The following DPP6 variants were observed in gnomAD, a reference collection of about 807,000 sequenced individuals.
DPP6 encodes dipeptidyl peptidase like 6, also known as A-type potassium channel modulatory protein DPP6.
DPP6 carries 69 observed loss-of-function variants against 122.6 expected under a neutral mutation model. The ratio of observed to expected loss-of-function variants is 0.56; its 90% confidence interval spans 0.46 to 0.69. The LOEUF (loss-of-function observed/expected upper bound fraction) is 0.69. Ranked by LOEUF, DPP6 falls within the 30% of genes least tolerant of loss-of-function variation. The pLI, the probability that DPP6 is intolerant of heterozygous loss-of-function variation, is 0.00. For synonymous variants in DPP6, 418 were observed against 433.1 expected (o/e 0.97, Z 0.43); for missense variants, 928 against 1,116.9 (o/e 0.83, Z 2.41).
chr7:154,358,958 G>A (rs1226643441), intron 1 of DPP6, among the ~76,000 whole-genome samples: 3 of 152,092 alleles, frequency 2.0e-5, no homozygotes, highest in African/African-American at 7.2e-5. Context: ...CACCTGCCTC[G>A]GCCTCCCAAA....
chr7:153,840,832 C>T, the DPP6 span, among the ~76,000 whole-genome samples: 1 of 152,160 alleles, frequency 6.6e-6, no homozygotes, highest in Non-Finnish European at 1.5e-5. Context: ...TTGCCTCTAG[C>T]AATAATAGAC....
Position 154,876,059 on chromosome 7 carries a change from G to T in DPP6, c.2037G>T (p.Arg679=). 6.2e-7 allele frequency: 1 copy of T among 1,608,306 alleles called. No homozygotes were observed. Among genetic ancestry groups the T allele is most frequent in the African/African-American group, 1.3e-5 (1 of 75,000 alleles). The part of the protein sequence containing the change: ...GTKLLHEVRR[R]LGLLEEKDQM... ...AGCTCCTGCACGAAGTGAGGCGGCG[G>T]CTGGGCTTGCTGGAGGAGAAGGACC... is the stretch of plus-strand genomic sequence containing the variant. Residue 679 remains arginine, a synonymous_variant, in exon 20 of 26, where the codon CGG becomes CGT. Coordinates refer to ENST00000377770, the MANE Select transcript of DPP6 (RefSeq NM_130797.4).
At chr7:154,855,991 G>C (rs968172677) in intron 17 of DPP6, among the ~76,000 whole-genome samples, 11 of 152,134 alleles carry the variant, frequency 7.2e-5, no homozygotes, top group Non-Finnish European at 1.3e-4. Flanking sequence ...CAGCCTCCCG[G>C]GTTAGCTGTT....
chr7:154,172,762 G>C (rs1797602724), intron 1 of DPP6, among the ~76,000 whole-genome samples: 1 of 151,832 alleles, frequency 6.6e-6, no homozygotes, highest in Non-Finnish European at 1.5e-5. Flanking sequence ...CATACGCTTG[G>C]CTAAATTTTG....
chr7:154,088,749 C>G (rs1804609134), intron 1 of DPP6, among the ~76,000 whole-genome samples: 2 of 151,880 alleles, frequency 1.3e-5, no homozygotes, highest in African/African-American at 4.8e-5. Context: ...GTGCTCAGTT[C>G]TAGGAGACAC....
Position 154,213,992 on chromosome 7 carries a change from G to A in DPP6, c.243+160929G>A, listed in dbSNP as rs148154353. Among the ~76,000 whole-genome samples, 1,303 of 152,286 alleles carry A rather than the reference G, an allele frequency of 8.6e-3. 16 individuals carry two copies. The highest frequency in any genetic ancestry group is 0.029 in the African/African-American group (1,225 of 41,562). ...GGGAAGATGGTCTTTGAGAGTTATC[G>A]ACTTCCTCCTTTTCCAGCAACGACA... On this transcript the variant is annotated intron_variant, in intron 1 of 25. Transcript: ENST00000377770.
At chr7:154,816,895 A>C (rs1229181078) in intron 16 of DPP6, among the ~76,000 whole-genome samples, 1 of 152,192 alleles carries the variant, frequency 6.6e-6, no homozygotes, top group Admixed American at 6.5e-5. Context: ...CAGGCATGGC[A>C]ATGAGTACCT....
At chr7:154,020,669 C>T (rs1480990960) in intron 1 of DPP6, among the ~76,000 whole-genome samples, 1 of 152,210 alleles carries the variant, frequency 6.6e-6, no homozygotes, top group African/African-American at 2.4e-5. Context: ...TAAATAGCCT[C>T]TGACCTCAGT....
intron 5 of DPP6, among the ~76,000 whole-genome samples, chr7:154,635,308 C>A (rs535485697): frequency 4.5e-4 from 68 of 151,950 alleles, no homozygotes; most frequent in African/African-American, 1.6e-3. Flanking sequence ...ACCACTGTCA[C>A]CATCTCTGGG....
At chr7:154,041,692 T>C (rs1420046768) in intron 1 of DPP6, among the ~76,000 whole-genome samples, 1 of 152,128 alleles carries the variant, frequency 6.6e-6, no homozygotes, top group Non-Finnish European at 1.5e-5. Context: ...AGTACCTGCA[T>C]GCTATCAGGG....
At chr7:153,969,619 G>A (rs1795931066) in intron 1 of DPP6, among the ~76,000 whole-genome samples, 1 of 148,380 alleles carries the variant, frequency 6.7e-6, no homozygotes, top group Admixed American at 6.6e-5. Context: ...TCATTGCACA[G>A]TAAGTTCATA....
the DPP6 span, among the ~76,000 whole-genome samples, chr7:153,773,553 C>G: frequency 6.6e-6 from 1 of 150,756 alleles, no homozygotes; most frequent in Non-Finnish European, 1.5e-5. Context: ...AAATTAATAT[C>G]CAATAGGTAT....
At chr7:153,758,490 A>G in the DPP6 span, among the ~76,000 whole-genome samples, 1 of 152,024 alleles carries the variant, frequency 6.6e-6, no homozygotes, top group Admixed American at 6.6e-5. Context: ...AAGGTGCCTC[A>G]TGCTCCCTTG....
intron 1 of DPP6, among the ~76,000 whole-genome samples, chr7:154,111,069 G>A (rs1439148722): frequency 6.6e-6 from 1 of 152,222 alleles, no homozygotes; most frequent in African/African-American, 2.4e-5. Context: ...TCGAGCTCAA[G>A]CCTAAAAATC....
At chr7:154,049,304 TTGTGTGTGTGTG>T (rs66669803), upstream of DPP6, among the ~76,000 whole-genome samples, 1 of 121,902 alleles carries the variant, frequency 8.2e-6, no homozygotes, top group Admixed American at 8.4e-5. Context: ...TTTTCCTTGT[TTGTGTGTGTGTG>T]TGTGTGTGTG....
chr7:154,420,353 T>C (rs1817367802), intron 1 of DPP6, among the ~76,000 whole-genome samples: 1 of 152,134 alleles, frequency 6.6e-6, no homozygotes, highest in Admixed American at 6.5e-5. Flanking sequence ...CTGCCACTTG[T>C]GACAACATGG....
intron 1 of DPP6, among the ~76,000 whole-genome samples, chr7:154,327,673 A>C (rs982437350): frequency 2.0e-5 from 3 of 152,190 alleles, no homozygotes; most frequent in African/African-American, 7.2e-5. Context: ...CTCATTTCCT[A>C]TACTAACCCC....
chr7:154,402,625 C>T (rs1330769705), intron 1 of DPP6, among the ~76,000 whole-genome samples: 4 of 146,820 alleles, frequency 2.7e-5, no homozygotes, highest in Admixed American at 1.4e-4. Flanking sequence ...GGAGGGATAG[C>T]ATTGGGAGAT....
chr7:153,878,765 T>C, the DPP6 span, among the ~76,000 whole-genome samples: 1 of 152,138 alleles, frequency 6.6e-6, no homozygotes, highest in African/African-American at 2.4e-5. Flanking sequence ...TCTCTAAATG[T>C]CGTACTTCAA....
Sources: allele counts gnomAD v4.1 joint callset (sites outside exome capture counted in the v4.1 genomes callset), GRCh38; gene constraint gnomAD v4.1.1; transcripts MANE v1.5; gene names NCBI Gene and HGNC (gene_info 2026-07-23, HGNC 2026-07-21).